PHACTR1: variants seen among roughly 807,000 people sequenced by gnomAD.
The protein encoded by PHACTR1 is RPEL repeat containing 1.
Under a neutral mutation model 69.2 loss-of-function variants are expected in PHACTR1, and 16 were observed. That is an observed-to-expected ratio of 0.23 (90% confidence interval 0.16 to 0.35). The LOEUF (loss-of-function observed/expected upper bound fraction) is 0.35, where lower values mean the gene tolerates loss of function less well. PHACTR1 is among the 10% of genes least tolerant of loss of function. The pLI, the probability that PHACTR1 is intolerant of heterozygous loss-of-function variation, is 1.00. For synonymous variants in PHACTR1, 312 were observed against 284.5 expected, an observed-to-expected ratio of 1.10 and a Z score of -0.97; for missense variants, 510 against 734.7, an observed-to-expected ratio of 0.69 and a Z score of 3.54.
intron 6 of PHACTR1, among the ~76,000 whole-genome samples, chr6:13,173,280 T>C (rs1760857328): frequency 6.6e-6 from 1 of 152,254 alleles, no homozygotes; most frequent in Non-Finnish European, 1.5e-5. Flanking sequence ...TGTTTTTTTC[T>C]TCTTCCAAGT....
At chr6:13,054,368 G>C (rs1806452596) in intron 5 of PHACTR1, among the ~76,000 whole-genome samples, 1 of 152,206 alleles carries the variant, frequency 6.6e-6, no homozygotes, top group Non-Finnish European at 1.5e-5. Flanking sequence ...TCTGTGATCA[G>C]ACAGTGGAAG....
intron 4 of PHACTR1, among the ~76,000 whole-genome samples, chr6:12,978,120 C>T (rs1267761932): frequency 1.3e-5 from 2 of 152,158 alleles, no homozygotes; most frequent in Non-Finnish European, 2.9e-5. Context: ...AGAAATCCAA[C>T]CGCATCCTGC....
chr6:12,836,134 C>A (rs1218427187), intron 4 of PHACTR1, among the ~76,000 whole-genome samples: 3 of 152,016 alleles, frequency 2.0e-5, no homozygotes, highest in South Asian at 2.1e-4. Flanking sequence ...CTTTCTGTAA[C>A]CTGTAAGGAA....
chr6:13,135,070 C>T (rs1339399033), intron 5 of PHACTR1, among the ~76,000 whole-genome samples: 3 of 152,228 alleles, frequency 2.0e-5, no homozygotes, highest in South Asian at 2.1e-4. Flanking sequence ...GACTGAGGCT[C>T]TCCTGTGCCC....
At chr6:13,281,053 G>A (rs1780070028) in intron 12 of PHACTR1, 1 of 1,289,502 alleles carries the variant, frequency 7.8e-7, no homozygotes, top group African/African-American at 1.5e-5. Context: ...GCTCTATGCT[G>A]TCTTGATTTG....
chr6:13,286,945 T>C, intron 14 of PHACTR1, 118 bp from the exon 15 acceptor site: 1 of 1,066,968 alleles, frequency 9.4e-7, no homozygotes, highest in Non-Finnish European at 1.4e-6. Context: ...GGGATGACGG[T>C]GGGAAGCTCG....
intron 4 of PHACTR1, among the ~76,000 whole-genome samples, chr6:12,868,760 C>G (rs1781731659): frequency 6.6e-6 from 1 of 152,060 alleles, no homozygotes; most frequent in South Asian, 2.1e-4. Context: ...TTTATGAAAA[C>G]TTAAGGGCAG....
intron 6 of PHACTR1, among the ~76,000 whole-genome samples, chr6:13,177,743 G>T (rs966520241): frequency 1.3e-5 from 2 of 152,168 alleles, no homozygotes; most frequent in Non-Finnish European, 2.9e-5. Flanking sequence ...TGAGGTGTTT[G>T]CCTCATGCCT....
At chr6:13,033,496 CATT>C (rs1479061308) in intron 4 of PHACTR1, among the ~76,000 whole-genome samples, 1 of 152,108 alleles carries the variant, frequency 6.6e-6, no homozygotes, top group Non-Finnish European at 1.5e-5. Flanking sequence ...ACCATTATAT[CATT>C]GATTCCTTCG....
intron 5 of PHACTR1, among the ~76,000 whole-genome samples, chr6:13,056,936 A>T (rs1330137932): frequency 6.6e-6 from 1 of 152,184 alleles, no homozygotes; most frequent in Non-Finnish European, 1.5e-5. Flanking sequence ...TCCTTGCTAA[A>T]ATTGGACAAT....
intron 4 of PHACTR1, among the ~76,000 whole-genome samples, chr6:13,007,580 T>G (rs1049893213): frequency 1.3e-5 from 2 of 152,094 alleles, no homozygotes; most frequent in African/African-American, 4.8e-5. Flanking sequence ...CAGAAAAATT[T>G]CCACCAGACC....
At chr6:12,906,715 A>G (rs1259926100) in intron 4 of PHACTR1, among the ~76,000 whole-genome samples, 3 of 152,178 alleles carry the variant, frequency 2.0e-5, no homozygotes, top group Non-Finnish European at 4.4e-5. Flanking sequence ...GGATCTTTCT[A>G]CACAGAGGAA....
rs548885108 is a variant in PHACTR1 at position 13,012,745 on chromosome 6, T to C, written c.251-40620T>C. On this transcript the variant is annotated intron_variant, in intron 4 of 14. Transcript: ENST00000332995. ...AGGGCTTCTCTAAGCCTTAGTTCTC[T>C]AAAAGGTGATATCGGACTGGCGATA... Among the ~76,000 whole-genome samples, 3 of 152,368 alleles carry C rather than the reference T, an allele frequency of 2.0e-5. No homozygotes were observed. In the South Asian group the frequency reaches 6.2e-4, roughly 32 times the overall value.
intron 5 of PHACTR1, among the ~76,000 whole-genome samples, chr6:13,061,408 G>GA (rs547775554): frequency 2.0e-4 from 30 of 152,280 alleles, no homozygotes; most frequent in African/African-American, 7.2e-4. Flanking sequence ...AGAGGAATTA[G>GA]AAAAATCAAT....
chr6:12,718,598 T>C, intron 2 of PHACTR1, 101 bp from the exon 3 acceptor site: 1 of 394,894 alleles, frequency 2.5e-6, no homozygotes, highest in African/African-American at 2.0e-5. Flanking sequence ...TAGTAGAATA[T>C]TATAATGGGA....
At chr6:13,026,042 A>G (rs1801652747) in intron 4 of PHACTR1, among the ~76,000 whole-genome samples, 1 of 152,220 alleles carries the variant, frequency 6.6e-6, no homozygotes, top group Non-Finnish European at 1.5e-5. Flanking sequence ...AGCCATAATT[A>G]TGACAGATGG....
chr6:13,282,666 G>A (rs1180517327), intron 12 of PHACTR1, among the ~76,000 whole-genome samples: 3 of 152,066 alleles, frequency 2.0e-5, no homozygotes, highest in South Asian at 2.1e-4. Flanking sequence ...TTGCACATAC[G>A]CTTTTTTGCA....
intron 5 of PHACTR1, among the ~76,000 whole-genome samples, chr6:13,111,587 C>T (rs376612319): frequency 3.6e-4 from 55 of 152,220 alleles, no homozygotes; most frequent in African/African-American, 1.2e-3. Flanking sequence ...AATGTCACAA[C>T]CTCGGTTATT....
At chr6:12,759,606 G>A (rs1025025383) in intron 4 of PHACTR1, among the ~76,000 whole-genome samples, 2 of 152,076 alleles carry the variant, frequency 1.3e-5, no homozygotes, top group African/African-American at 4.8e-5. Context: ...GATAAGTTTA[G>A]GGGCCAAGAA....
Sources: gnomAD v4.1 joint callset for allele counts (sites outside exome capture counted in the v4.1 genomes callset) on GRCh38, gnomAD v4.1.1 for gene constraint, MANE v1.5 for transcripts, NCBI Gene and HGNC (gene_info 2026-07-23, HGNC 2026-07-21) for gene names.